Variants in RUNX1 observed in about 807,000 individuals in gnomAD.
The protein encoded by RUNX1 is RUNX family transcription factor 1.
RUNX1 carries 19 observed loss-of-function variants against 42.8 expected under a neutral mutation model. That is an observed-to-expected ratio of 0.44 (90% CI 0.31 to 0.65). The LOEUF is 0.65. Among genes scored for constraint, RUNX1 ranks in the 30% least tolerant of loss-of-function variants. The probability of loss-of-function intolerance (pLI) is 0.07; values close to 1 mark genes in which losing one functional copy is unlikely to be tolerated. For missense variants in RUNX1, 528 were observed against 672.0 expected, an observed-to-expected ratio of 0.79 and a Z score of 2.37; for synonymous variants, 271 against 289.4, an observed-to-expected ratio of 0.94 and a Z score of 0.64.
intron 5 of RUNX1, among the ~76,000 whole-genome samples, chr21:34,870,756 GAGACCA>G (rs2057725136): frequency 6.6e-6 from 1 of 152,084 alleles, no homozygotes; most frequent in African/African-American, 2.4e-5. Flanking sequence ...TCAAGAGATC[GAGACCA>G]TCCTGGCCAG....
At chr21:35,042,790 T>C (rs7279123) in intron 2 of RUNX1, among the ~76,000 whole-genome samples, 105,440 of 152,152 alleles carry the variant, frequency 0.69, 37,664 homozygotes, top group South Asian at 0.87. Context: ...CTCAAGCCAC[T>C]GTGGTCAGCT....
intron 2 of RUNX1, among the ~76,000 whole-genome samples, chr21:34,909,593 A>AG (rs1425370054): frequency 6.7e-6 from 1 of 150,346 alleles, no homozygotes; most frequent in Non-Finnish European, 1.5e-5. Context: ...TTCCTCAAAA[A>AG]AAAAAAAAAA....
intron 2 of RUNX1, among the ~76,000 whole-genome samples, chr21:35,034,250 C>T (rs1349839310): frequency 2.0e-5 from 3 of 151,750 alleles, no homozygotes; most frequent in Non-Finnish European, 4.4e-5. Flanking sequence ...AGATGGCAAG[C>T]CTTTGTTGCG....
chr21:35,002,563 G>C (rs1364671857), intron 2 of RUNX1, among the ~76,000 whole-genome samples: 2 of 151,874 alleles, frequency 1.3e-5, no homozygotes, highest in African/African-American at 4.8e-5. Flanking sequence ...GAGTAGCTGG[G>C]ACTACAGGCA....
At chr21:35,042,035 G>A (rs567585145) in intron 2 of RUNX1, among the ~76,000 whole-genome samples, 9 of 152,270 alleles carry the variant, frequency 5.9e-5, no homozygotes, top group South Asian at 2.1e-4. Flanking sequence ...GCGAGAAACC[G>A]ATCAACCTCA....
At chr21:34,988,811 C>T (rs923024872) in intron 2 of RUNX1, among the ~76,000 whole-genome samples, 1 of 152,164 alleles carries the variant, frequency 6.6e-6, no homozygotes, top group African/African-American at 2.4e-5. Context: ...TTTGAGAACA[C>T]TGGCTGAACC....
At chr21:34,847,525 A>G (rs1417244802) in intron 6 of RUNX1, among the ~76,000 whole-genome samples, 1 of 152,124 alleles carries the variant, frequency 6.6e-6, no homozygotes, top group Non-Finnish European at 1.5e-5. Flanking sequence ...ATATTATCTA[A>G]TTGACAGACT....
chr21:34,943,319 T>A (rs58549964), intron 2 of RUNX1, among the ~76,000 whole-genome samples: 10,751 of 152,274 alleles, frequency 0.071, 529 homozygotes, highest in African/African-American at 0.12. Flanking sequence ...ACTTCTTTGC[T>A]GTCTTTACCA....
At chr21:34,852,603 C>G (rs1391350005) in intron 6 of RUNX1, among the ~76,000 whole-genome samples, 2 of 152,168 alleles carry the variant, frequency 1.3e-5, no homozygotes, top group African/African-American at 4.8e-5. Context: ...GGGGGAAGTT[C>G]CCCCAGAACT....
intron 2 of RUNX1, among the ~76,000 whole-genome samples, chr21:35,021,507 CATAAT>C (rs1447179732): frequency 6.6e-6 from 1 of 152,228 alleles, no homozygotes; most frequent in African/African-American, 2.4e-5. Context: ...TGCACATACA[CATAAT>C]ATATAAATAC....
Position 34,901,239 on chromosome 21 carries a change from C to T in RUNX1, c.59-8276G>A, listed in dbSNP as rs1342353185. On this transcript the variant is annotated intron_variant, in intron 2 of 8. Coordinates refer to ENST00000675419, the MANE Select transcript of RUNX1 (RefSeq NM_001754.5). The surrounding 1 kb of genome is among the most constrained non-coding windows in gnomAD (Gnocchi z 4.3). ...AAAGATAACAGTTTCTGGCTGGTCA[C>T]GGTGGGTCACGCCTGTAATCCCAGC... Among the ~76,000 whole-genome samples, 2 of 151,904 alleles carry T rather than the reference C, an allele frequency of 1.3e-5. No individual in the cohort carries two copies. Among genetic ancestry groups the T allele is most frequent in the East Asian group, 1.9e-4 (1 of 5,184 alleles).
chr21:34,791,595 A>G lies in RUNX1; in HGVS notation c.*540T>C, dbSNP rs1365457318. 4.3e-6 allele frequency: 1 copy of G among 230,380 alleles called. No individual in the cohort carries two copies. The allele number at this position is 230,380 out of a possible 1,614,324, so 14.3% of individuals were successfully genotyped here. On this transcript the variant is annotated 3_prime_UTR_variant, in exon 9 of 9. Coordinates refer to ENST00000675419, the MANE Select transcript of RUNX1 (RefSeq NM_001754.5). Reference sequence around the variant, plus strand: ...TTATATAAACGTATATAAAAATAAAAACCACCCAAATGCAAATACGCATTT... The same window carrying G: ...TTATATAAACGTATATAAAAATAAAGACCACCCAAATGCAAATACGCATTT...
intron 2 of RUNX1, among the ~76,000 whole-genome samples, chr21:34,987,438 A>G (rs2058898542): frequency 6.6e-6 from 1 of 152,214 alleles, no homozygotes; most frequent in East Asian, 1.9e-4. Context: ...CTGAGAAGGC[A>G]GCTGTTGATT....
intron 7 of RUNX1, among the ~76,000 whole-genome samples, chr21:34,819,087 G>A (rs1345332302): frequency 2.6e-5 from 4 of 152,172 alleles, no homozygotes; most frequent in African/African-American, 4.8e-5. Context: ...AGTTTTCTGC[G>A]ATTCACTCAT....
chr21:35,018,505 T>C (rs2059175714), intron 2 of RUNX1, among the ~76,000 whole-genome samples: 1 of 152,190 alleles, frequency 6.6e-6, no homozygotes, highest in African/African-American at 2.4e-5. Flanking sequence ...CGGTGGTACT[T>C]TGCAGCCTGA....
At chr21:35,014,007 T>C (rs1207050112) in intron 2 of RUNX1, among the ~76,000 whole-genome samples, 1 of 152,164 alleles carries the variant, frequency 6.6e-6, no homozygotes, top group African/African-American at 2.4e-5. Flanking sequence ...TAAAAATACA[T>C]TTTAACATTA....
chr21:34,913,690 T>G lies in RUNX1; in HGVS notation c.59-20727A>C, dbSNP rs118115393. The stretch of plus-strand genomic sequence containing the variant: ...ACATTGTATTCTTTAATAATTCACA[T>G]GGCAGCATCGTAGGGCTACTTTTAA... On this transcript the variant is annotated intron_variant, in intron 2 of 8. Coordinates refer to ENST00000675419, the MANE Select transcript of RUNX1 (RefSeq NM_001754.5). Among the ~76,000 whole-genome samples, 1,219 of 152,300 alleles carry G rather than the reference T, an allele frequency of 8.0e-3. 8 individuals carry two copies. Among genetic ancestry groups the G allele is most frequent in the Middle Eastern group, 0.027 (8 of 294 alleles).
chr21:34,886,808 C>T (rs2146406861), intron 4 of RUNX1, 35 bp downstream of exon 4: 1 of 1,611,668 alleles, frequency 6.2e-7, no homozygotes, highest in African/African-American at 1.3e-5. Flanking sequence ...CGCCGGCCTC[C>T]GCCTGTCCTC....
chr21:34,832,686 C>T (rs1004660076), intron 7 of RUNX1, among the ~76,000 whole-genome samples: 1 of 152,032 alleles, frequency 6.6e-6, no homozygotes, highest in African/African-American at 2.4e-5. Flanking sequence ...ATTGTTTTGC[C>T]CCAAGCCCAT....
Sources: allele counts gnomAD v4.1 joint callset (sites outside exome capture counted in the v4.1 genomes callset), GRCh38; gene constraint gnomAD v4.1.1; non-coding constraint Gnocchi (gnomAD v3.1); transcripts MANE v1.5; gene names NCBI Gene and HGNC (gene_info 2026-07-23, HGNC 2026-07-21).